GNA13: variants seen among roughly 807,000 people sequenced by gnomAD.
GNA13 encodes guanine nucleotide-binding protein subunit alpha-13.
Under a neutral mutation model 33.5 loss-of-function variants are expected in GNA13, and 4 were observed. The observed-to-expected ratio is 0.12, with a 90% CI of 0.06 to 0.27. GNA13 has a LOEUF of 0.27. Among genes scored for constraint, GNA13 ranks in the 10% least tolerant of loss-of-function variants. GNA13 has a pLI of 1.00. For synonymous variants in GNA13, 176 were observed against 183.8 expected, an observed-to-expected ratio of 0.96 and a Z score of 0.34; for missense variants, 319 against 487.2, an observed-to-expected ratio of 0.65 and a Z score of 3.25.
Position 65,012,321 on chromosome 17 carries a change from A to G in GNA13, c.*1936T>C, listed in dbSNP as rs1906219388. The G allele has an allele frequency of 8.9e-6, 2 of 223,992 alleles. No individual in the cohort carries two copies. The highest frequency in any genetic ancestry group is 1.8e-5 in the Non-Finnish European group (2 of 112,316). 13.9% of individuals were successfully genotyped at this position (223,992 alleles called of 1,614,324 possible). A position where few individuals can be genotyped will look rare whatever the true frequency, so the allele number is the denominator to read the frequency against. On this transcript the variant is annotated 3_prime_UTR_variant, in exon 4 of 4. Transcript: ENST00000439174. ...GCTAAATGTATGGGTAAACTCTCCA[A>G]TGAATAGTCCAAATGTTACTGTGCA...
chr17:65,016,224 A>C (rs1906362869), intron 3 of GNA13, among the ~76,000 whole-genome samples: 1 of 152,244 alleles, frequency 6.6e-6, no homozygotes, highest in African/African-American at 2.4e-5. Context: ...TATTTTAAAA[A>C]TCAAGGCAGG....
Position 65,056,335 on chromosome 17 carries a change from T to G in GNA13, c.259A>C (p.Thr87Pro). 1.3e-6 allele frequency: 2 copies of G among 1,518,238 alleles called. No individual in the cohort carries two copies. Among genetic ancestry groups the G allele is most frequent in the Non-Finnish European group, 1.8e-6 (2 of 1,123,202 alleles). The allele number at this position is 1,518,238 out of a possible 1,614,324, so 94.0% of individuals were successfully genotyped here. ...DQRAREEFRP[T>P]IYSNVIKGMR... Reference sequence around the variant, plus strand: ...CCTTTGATCACGTTGCTGTAGATGGTGGGGCGGAACTCCTCGCGCGCGCGC... The same window carrying G: ...CCTTTGATCACGTTGCTGTAGATGGGGGGGCGGAACTCCTCGCGCGCGCGC... Residue 87 changes from threonine to proline, a missense_variant, in exon 1 of 4, where the codon ACC (threonine) becomes CCC (proline). Thr to Pro is a conservative substitution (Grantham distance 38). Around this residue, in one of 4 missense-constraint regions of GNA13, gnomAD observed 136 missense variants for 159.3 expected, o/e 0.85. Transcript: ENST00000439174.
chr17:65,031,892 GAGAA>G (rs1483386668), intron 2 of GNA13, among the ~76,000 whole-genome samples: 70 of 105,776 alleles, frequency 6.6e-4, no homozygotes, highest in African/African-American at 2.1e-3. Flanking sequence ...GAGAGAGAGA[GAGAA>G]AGAGAGAGAG....
At chr17:65,027,512 C>G (rs933074537) in intron 2 of GNA13, among the ~76,000 whole-genome samples, 2 of 152,118 alleles carry the variant, frequency 1.3e-5, no homozygotes, top group Non-Finnish European at 2.9e-5. Context: ...TTATCAGCAC[C>G]TCCTATGGCA....
intron 2 of GNA13, among the ~76,000 whole-genome samples, chr17:65,045,405 A>G (rs886276106): frequency 4.6e-5 from 7 of 151,310 alleles, no homozygotes; most frequent in Non-Finnish European, 7.4e-5. Context: ...TTGTAGTCCC[A>G]ATAACTTGGG....
At chr17:65,049,468 C>T (rs940996841) in intron 2 of GNA13, among the ~76,000 whole-genome samples, 1 of 152,168 alleles carries the variant, frequency 6.6e-6, no homozygotes, top group Non-Finnish European at 1.5e-5. Flanking sequence ...AAGTGTCAGG[C>T]ACTATGCTAG....
At chr17:65,046,595 G>A (rs79593325) in intron 2 of GNA13, among the ~76,000 whole-genome samples, 6,129 of 152,240 alleles carry the variant, frequency 0.04, 369 homozygotes, top group African/African-American at 0.14. Context: ...AATAGGACTG[G>A]ATACCCCAAC....
chr17:65,034,149 A>G (rs1394574466), intron 2 of GNA13, among the ~76,000 whole-genome samples: 2 of 152,040 alleles, frequency 1.3e-5, no homozygotes. Context: ...CTATAATAGC[A>G]TAAGTAGAAT....
At chr17:65,049,297 T>A (rs957371964) in intron 2 of GNA13, among the ~76,000 whole-genome samples, 5 of 152,098 alleles carry the variant, frequency 3.3e-5, no homozygotes, top group African/African-American at 1.2e-4. Flanking sequence ...TGGTTTTGGT[T>A]TTTGGTAGAG....
chr17:65,053,736 TAAAAAGAAGAAA>T lies in GNA13; in HGVS notation c.284-20_284-9del. On this transcript the variant is annotated splice_polypyrimidine_tract_variant and intron_variant, in intron 1 of 3. Transcript: ENST00000439174. ...CAACCAGCACCCTCATACCTTTGTT[TAAAAAGAAGAAA>T]AAAAATGTATGGAGAGGAGTCATTA... is the stretch of plus-strand genomic sequence containing the variant. 6.4e-7 allele frequency: 1 copy of T among 1,567,914 alleles called. No homozygotes were observed. The highest frequency in any genetic ancestry group is 2.2e-5 in the East Asian group (1 of 44,590).
chr17:65,034,012 CAAAAAAA>C (rs780895691), intron 2 of GNA13, among the ~76,000 whole-genome samples: 12 of 50,090 alleles, frequency 2.4e-4, no homozygotes, highest in African/African-American at 7.6e-4. Flanking sequence ...GACTCCGTCT[CAAAAAAA>C]AAAAAAAAAA....
intron 2 of GNA13, among the ~76,000 whole-genome samples, chr17:65,050,558 G>A (rs1348014887): frequency 6.6e-6 from 1 of 152,110 alleles, no homozygotes; most frequent in Non-Finnish European, 1.5e-5. Context: ...GCAAGACTCC[G>A]TCTCTACAAA....
chr17:65,015,033 G>A (rs780916578), intron 3 of GNA13, among the ~76,000 whole-genome samples: 2 of 152,162 alleles, frequency 1.3e-5, no homozygotes, highest in Non-Finnish European at 2.9e-5. Context: ...TTGGGAGGCT[G>A]AGGCAGGAGG....
Position 65,018,299 on chromosome 17 carries a change from T to C in GNA13, c.515A>G (p.Glu172Gly), listed in dbSNP as rs751639376. The C allele has an allele frequency of 2.0e-6, 3 of 1,479,980 alleles. No individual in the cohort carries two copies. The Admixed American group carries it at 5.0e-5, about 25-fold the overall frequency. 91.7% of individuals were successfully genotyped at this position (1,479,980 alleles called of 1,614,324 possible). A position where few individuals can be genotyped will look rare whatever the true frequency, so the allele number is the denominator to read the frequency against. The change falls in exon 3 of 4, where the codon GAA becomes GGA. Residue 172 changes from glutamate (E) to glycine (G), a missense_variant. Around this residue, in one of 4 missense-constraint regions of GNA13, gnomAD observed 136 missense variants for 159.3 expected, o/e 0.85. Coordinates refer to ENST00000439174, the MANE Select transcript of GNA13 (RefSeq NM_006572.6). ...GTTATCCAGGAAATATTTTACAGATTCACCCTAAAAACAAGAAGAAAACAA... is the reference window on the plus strand; with the variant it reads ...GTTATCCAGGAAATATTTTACAGATCCACCCTAAAAACAAGAAGAAAACAA... ...YDRRREFQLG[E>G]SVKYFLDNLD...
intron 2 of GNA13, among the ~76,000 whole-genome samples, chr17:65,031,254 A>G (rs997856986): frequency 6.6e-6 from 1 of 152,246 alleles, no homozygotes; most frequent in African/African-American, 2.4e-5. Flanking sequence ...GTATCTAAAC[A>G]TAGGAAAGGT....
At chr17:65,022,252 C>T (rs1332499874) in intron 2 of GNA13, among the ~76,000 whole-genome samples, 2 of 152,172 alleles carry the variant, frequency 1.3e-5, no homozygotes, top group Non-Finnish European at 2.9e-5. Flanking sequence ...AACTTCCAGG[C>T]TACAACAGCA....
intron 2 of GNA13, among the ~76,000 whole-genome samples, chr17:65,044,218 C>T (rs147009608): frequency 1.2e-4 from 19 of 152,298 alleles, no homozygotes; most frequent in East Asian, 7.7e-4. Context: ...CTACCATCAA[C>T]GCAACAGATT....
intron 2 of GNA13, among the ~76,000 whole-genome samples, chr17:65,022,936 G>A (rs1906637127): frequency 6.6e-6 from 1 of 152,162 alleles, no homozygotes; most frequent in Non-Finnish European, 1.5e-5. Context: ...TAAGAAACAT[G>A]GCAAATTATT....
At chr17:65,052,033 C>A (rs898520620) in intron 2 of GNA13, 21 of 152,346 alleles carry the variant, frequency 1.4e-4, no homozygotes, top group African/African-American at 5.0e-4. Context: ...TTTTAAAAGG[C>A]AAGACTGCTT....
Sources: allele counts gnomAD v4.1 joint callset (sites outside exome capture counted in the v4.1 genomes callset), GRCh38; gene constraint gnomAD v4.1.1; regional missense constraint gnomAD v4.1.1; transcripts MANE v1.5; gene names NCBI Gene and HGNC (gene_info 2026-07-23, HGNC 2026-07-21).